Variants in S100Z observed in about 807,000 individuals in gnomAD.
The protein encoded by S100Z is protein S100-Z.
Under a neutral mutation model 8.5 loss-of-function variants are expected in S100Z, and 11 were observed. The observed-to-expected ratio is 1.30, with a 90% confidence interval of 0.82 to 2.15. S100Z has a LOEUF of 2.15. Ranked by LOEUF, S100Z falls within the 30% of genes most tolerant of loss-of-function variation. The pLI, the probability that S100Z is intolerant of heterozygous loss-of-function variation, is 0.00. For synonymous variants in S100Z, 34 were observed against 43.8 expected (o/e 0.78, Z 0.89); for missense variants, 126 against 117.9 (o/e 1.07, Z -0.32).
the S100Z span, among the ~76,000 whole-genome samples, chr5:76,949,184 C>G: frequency 6.6e-6 from 1 of 152,130 alleles, no homozygotes; most frequent in African/African-American, 2.4e-5. Context: ...GTCAGGAGAT[C>G]AAGACCATCC....
the S100Z span, among the ~76,000 whole-genome samples, chr5:76,941,796 T>TC: frequency 5.3e-3 from 805 of 150,878 alleles, 6 homozygotes; most frequent in African/African-American, 0.018. Context: ...GGAGTTATGC[T>TC]CCCCCCCCTT....
chr5:76,927,152 T>C, the S100Z span, among the ~76,000 whole-genome samples: 1 of 152,186 alleles, frequency 6.6e-6, no homozygotes, highest in Non-Finnish European at 1.5e-5. Flanking sequence ...GTGGAAATAA[T>C]TGTTGTTCAG....
At chr5:76,868,222 A>G (rs1204984708) in intron 1 of S100Z, among the ~76,000 whole-genome samples, 1 of 152,164 alleles carries the variant, frequency 6.6e-6, no homozygotes, top group Non-Finnish European at 1.5e-5. Flanking sequence ...GGGCTTTATA[A>G]ATAGGATTTC....
In S100Z at chr5:76,896,000, T is replaced by A. The variant is rs1327883249; in HGVS notation, c.*2+18166T>A. Among the ~76,000 whole-genome samples, 3 of 152,046 alleles carry A rather than the reference T, an allele frequency of 2.0e-5. No individual in the cohort carries two copies. The East Asian group carries it at 5.8e-4, about 29-fold the overall frequency. On this transcript the variant is annotated intron_variant, in intron 4 of 4. Coordinates refer to ENST00000317593, the MANE Select transcript of S100Z (RefSeq NM_130772.4). ...CTGCTCTTGAACTCCTGACCTCAAGTGATCCACTTGCCTCGGCCTCTTAAG... is the reference window on the plus strand; with the variant it reads ...CTGCTCTTGAACTCCTGACCTCAAGAGATCCACTTGCCTCGGCCTCTTAAG...
downstream of S100Z, among the ~76,000 whole-genome samples, chr5:76,923,776 A>G (rs765707841): frequency 2.6e-5 from 4 of 152,220 alleles, no homozygotes; most frequent in Non-Finnish European, 5.9e-5. Context: ...CTGCACCTGA[A>G]AGCTTGTTGG....
At chr5:76,862,128 TGC>T (rs58009769) in intron 1 of S100Z, among the ~76,000 whole-genome samples, 4,178 of 128,266 alleles carry the variant, frequency 0.033, 194 homozygotes, top group African/African-American at 0.12. Flanking sequence ...ATAAGGAGTG[TGC>T]GTGTGTGTGT....
chr5:76,901,673 TC>T (rs1404628563), intron 4 of S100Z, among the ~76,000 whole-genome samples: 1 of 152,132 alleles, frequency 6.6e-6, no homozygotes, highest in African/African-American at 2.4e-5. Flanking sequence ...AAGAGTCAAG[TC>T]CTGGAATTGG....
intron 4 of S100Z, among the ~76,000 whole-genome samples, chr5:76,907,486 G>A (rs186415834): frequency 1.6e-4 from 24 of 152,192 alleles, no homozygotes; most frequent in Non-Finnish European, 3.2e-4. Context: ...TGTATTTTTA[G>A]TAGAGATGTG....
chr5:76,898,568 T>G (rs1744120180), intron 4 of S100Z, among the ~76,000 whole-genome samples: 1 of 152,186 alleles, frequency 6.6e-6, no homozygotes, highest in East Asian at 1.9e-4. Context: ...GATCATATGG[T>G]TTTTATCCTT....
At chr5:76,937,545 C>T in the S100Z span, among the ~76,000 whole-genome samples, 3,728 of 151,878 alleles carry the variant, frequency 0.025, 148 homozygotes, top group African/African-American at 0.08. Flanking sequence ...TGCTTCAGCC[C>T]AGGAGTTTAA....
intron 4 of S100Z, among the ~76,000 whole-genome samples, chr5:76,909,185 G>A (rs1302091452): frequency 6.6e-6 from 1 of 152,072 alleles, no homozygotes; most frequent in Non-Finnish European, 1.5e-5. Flanking sequence ...TGGGCAGGGG[G>A]AGAAACAAAC....
At chr5:76,885,287 G>A (rs2150652794) in intron 4 of S100Z, among the ~76,000 whole-genome samples, 1 of 152,248 alleles carries the variant, frequency 6.6e-6, no homozygotes, top group South Asian at 2.1e-4. Context: ...AGAAGGGGTA[G>A]GGGGTGCTTG....
chr5:76,862,596 C>A (rs781200273), intron 1 of S100Z, among the ~76,000 whole-genome samples: 2 of 151,986 alleles, frequency 1.3e-5, no homozygotes, highest in Admixed American at 6.6e-5. Flanking sequence ...GCCAGGAGTT[C>A]GAGACCAGCC....
intron 4 of S100Z, among the ~76,000 whole-genome samples, chr5:76,889,223 C>G (rs1397478594): frequency 6.6e-6 from 1 of 152,184 alleles, no homozygotes; most frequent in African/African-American, 2.4e-5. Context: ...TTCTTTCTTG[C>G]CCCTTCTTGC....
At chr5:76,897,734 G>A (rs1179601200) in intron 4 of S100Z, among the ~76,000 whole-genome samples, 2 of 151,876 alleles carry the variant, frequency 1.3e-5, no homozygotes, top group Non-Finnish European at 2.9e-5. Flanking sequence ...TTAATTTTAT[G>A]TGTAGCTATT....
At chr5:76,910,087 T>C (rs938384399) in intron 4 of S100Z, among the ~76,000 whole-genome samples, 3 of 152,192 alleles carry the variant, frequency 2.0e-5, no homozygotes, top group African/African-American at 7.2e-5. Context: ...TTGACCTGTG[T>C]TCTAGAAGGA....
intron 4 of S100Z, among the ~76,000 whole-genome samples, chr5:76,904,309 C>T (rs1744346651): frequency 6.6e-6 from 1 of 152,100 alleles, no homozygotes; most frequent in Admixed American, 6.5e-5. Context: ...ATCCTCCCAC[C>T]TCAGCCTCCA....
the S100Z span, among the ~76,000 whole-genome samples, chr5:76,941,947 A>G: frequency 1.3e-5 from 2 of 152,144 alleles, no homozygotes; most frequent in South Asian, 4.2e-4. Flanking sequence ...TTATAATCCA[A>G]TATTACTTTA....
the S100Z span, among the ~76,000 whole-genome samples, chr5:76,948,226 T>G: frequency 6.6e-6 from 1 of 152,038 alleles, no homozygotes; most frequent in East Asian, 1.9e-4. Context: ...CTGGGGAGGC[T>G]GAGGCAGGAG....
Sources: gnomAD v4.1 joint callset for allele counts (sites outside exome capture counted in the v4.1 genomes callset) on GRCh38, gnomAD v4.1.1 for gene constraint, MANE v1.5 for transcripts, NCBI Gene and HGNC (gene_info 2026-07-23, HGNC 2026-07-21) for gene names.